Variants in SUSD1 observed in about 807,000 individuals in gnomAD.
SUSD1 encodes the protein sushi domain containing 1.
Under a neutral mutation model 86.9 loss-of-function variants are expected in SUSD1, and 65 were observed. The observed-to-expected ratio is 0.75, with a 90% CI of 0.61 to 0.92. The LOEUF is 0.92. Among genes scored for constraint, SUSD1 ranks in the 40% least tolerant of loss-of-function variants. The probability of loss-of-function intolerance (pLI) is 0.00; values close to 1 mark genes in which losing one functional copy is unlikely to be tolerated. For synonymous variants in SUSD1, 346 were observed against 350.0 expected (o/e 0.99, Z 0.13); for missense variants, 850 against 929.7 (o/e 0.91, Z 1.11).
chr9:112,104,700 A>G (rs1830763968), intron 8 of SUSD1: 1 of 152,228 alleles, frequency 6.6e-6, no homozygotes. Context: ...TAAATCCTTC[A>G]TACTGAGATC....
chr9:112,174,084 C>T, intron 1 of SUSD1: 1 of 156,404 alleles, frequency 6.4e-6, no homozygotes, highest in Non-Finnish European at 1.4e-5. Flanking sequence ...AGTCCAAAGG[C>T]CTAGGTCTGC....
At position 112,134,535 on chromosome 9, in the gene SUSD1, A is replaced by G. The variant is rs1181891106; in HGVS notation, c.706+7785T>C. Among the ~76,000 whole-genome samples, 6 of 152,282 alleles carry G rather than the reference A, an allele frequency of 3.9e-5. No homozygotes were observed. The South Asian group carries it at 1.2e-3, about 32-fold the overall frequency. On this transcript the variant is annotated intron_variant, in intron 5 of 16. Transcript: ENST00000374270. Reference sequence around the variant, plus strand: ...AATCAAATACCACACGTTCTCACATATAAGTGGGAGCTAAATATTGGGTAC... The same window carrying G: ...AATCAAATACCACACGTTCTCACATGTAAGTGGGAGCTAAATATTGGGTAC...
chr9:112,077,625 C>A (rs1161170480), intron 12 of SUSD1, among the ~76,000 whole-genome samples: 1 of 150,722 alleles, frequency 6.6e-6, no homozygotes, highest in African/African-American at 2.4e-5. Flanking sequence ...CTGCCTCAGC[C>A]TCCCGAGTAG....
At chr9:112,166,937 G>A (rs143872600) in intron 1 of SUSD1, among the ~76,000 whole-genome samples, 16 of 152,230 alleles carry the variant, frequency 1.1e-4, no homozygotes, top group African/African-American at 3.1e-4. Context: ...CACATCCCCC[G>A]GCTAAGGCTG....
Position 112,152,218 on chromosome 9 carries a change from A to G in SUSD1, c.218-2819T>C, listed in dbSNP as rs1277447587. 4.6e-5 allele frequency among the ~76,000 whole-genome samples: 7 copies of G among 151,432 alleles called. No individual in the cohort carries two copies. In the East Asian group the frequency reaches 5.8e-4, roughly 13 times the overall value. On this transcript the variant is annotated intron_variant, in intron 2 of 16. Coordinates refer to ENST00000374270, the MANE Select transcript of SUSD1 (RefSeq NM_022486.5). ...ACTCTGTCTCAAAAAAAAAAAAAAAAGGGATCTTTCTTCAATAATAAATTA... is the reference window on the plus strand; with the variant it reads ...ACTCTGTCTCAAAAAAAAAAAAAAAGGGGATCTTTCTTCAATAATAAATTA...
chr9:112,153,939 C>T (rs369413963), intron 2 of SUSD1, among the ~76,000 whole-genome samples: 1 of 151,900 alleles, frequency 6.6e-6, no homozygotes, highest in East Asian at 1.9e-4. Context: ...ATTGTATGTG[C>T]TATACTTTTA....
At chr9:112,062,269 T>C (rs947218395) in intron 13 of SUSD1, among the ~76,000 whole-genome samples, 1 of 152,232 alleles carries the variant, frequency 6.6e-6, no homozygotes, top group African/African-American at 2.4e-5. Flanking sequence ...AAGGATGTAC[T>C]ATGAGACATG....
Position 112,175,297 on chromosome 9 carries a change from T to C in SUSD1, c.-62A>G. 1 of 1,110,794 alleles carries C rather than the reference T, an allele frequency of 9.0e-7. No individual in the cohort carries two copies. Among genetic ancestry groups the C allele is most frequent in the Non-Finnish European group, 1.1e-6 (1 of 910,264 alleles). 68.8% of individuals were successfully genotyped at this position (1,110,794 alleles called of 1,614,324 possible). On this transcript the variant is annotated 5_prime_UTR_variant, in exon 1 of 17. Coordinates refer to ENST00000374270, the MANE Select transcript of SUSD1 (RefSeq NM_022486.5). This position sits in a 1 kb window ranked among gnomAD's most constrained non-coding sequence, Gnocchi z 4.7. ...TCCCGGGGCCCTCAGGGTGCAGAGA[T>C]AAGGCTACAGGCGCCGCGGGGAGGG...
chr9:112,172,784 C>A (rs1232229638), intron 1 of SUSD1, among the ~76,000 whole-genome samples: 1 of 152,118 alleles, frequency 6.6e-6, no homozygotes, highest in African/African-American at 2.4e-5. Flanking sequence ...TACTGTGGGC[C>A]CAGTCCTCAG....
Position 112,048,949 on chromosome 9 carries a change from G to A in SUSD1, c.2149+3450C>T, listed in dbSNP as rs117752620. Among the ~76,000 whole-genome samples the A allele has an allele frequency of 9.2e-5, 14 of 152,338 alleles. 1 individual carries two copies. The East Asian group carries it at 2.3e-3, about 25-fold the overall frequency. The stretch of plus-strand genomic sequence containing the variant: ...ATAAAAGATGTAATTAGAAGGGTAT[G>A]TTTGTGTCAAATAGAGGACTTGGAA... On this transcript the variant is annotated intron_variant, in intron 15 of 16. Coordinates refer to ENST00000374270, the MANE Select transcript of SUSD1 (RefSeq NM_022486.5).
chr9:112,129,114 G>A (rs1244556966), intron 5 of SUSD1, among the ~76,000 whole-genome samples: 1 of 152,170 alleles, frequency 6.6e-6, no homozygotes, highest in Non-Finnish European at 1.5e-5. Context: ...ACAGAGAGAT[G>A]ATAGGGTCTT....
chr9:112,133,965 A>C (rs1485416961), intron 5 of SUSD1, among the ~76,000 whole-genome samples: 1 of 152,218 alleles, frequency 6.6e-6, no homozygotes, highest in Non-Finnish European at 1.5e-5. Flanking sequence ...CATATGAAAA[A>C]ATGCTCCACA....
At chr9:112,120,182 C>T (rs1831494381) in intron 6 of SUSD1, among the ~76,000 whole-genome samples, 2 of 152,120 alleles carry the variant, frequency 1.3e-5, no homozygotes, top group Non-Finnish European at 2.9e-5. Context: ...TGGGTCATGT[C>T]TGTAGTCCCA....
intron 8 of SUSD1, among the ~76,000 whole-genome samples, chr9:112,107,283 GA>G (rs1014695915): frequency 7.8e-6 from 1 of 128,682 alleles, no homozygotes; most frequent in Non-Finnish European, 1.7e-5. Flanking sequence ...AGAAAAGAAA[GA>G]AAAAAAAGAA....
chr9:112,096,665 A>G (rs1830408105), intron 10 of SUSD1, among the ~76,000 whole-genome samples: 1 of 152,010 alleles, frequency 6.6e-6, no homozygotes, highest in Non-Finnish European at 1.5e-5. Flanking sequence ...TCAGCCTCCC[A>G]AGTAGCTGGG....
chr9:112,109,102 A>AT (rs1830980604), intron 8 of SUSD1, among the ~76,000 whole-genome samples: 2 of 152,288 alleles, frequency 1.3e-5, no homozygotes, highest in South Asian at 4.1e-4. Context: ...CCAAATATAC[A>AT]TTTTTTAGAA....
chr9:112,170,708 T>G (rs10981294), intron 1 of SUSD1, among the ~76,000 whole-genome samples: 6,116 of 95,268 alleles, frequency 0.064, 165 homozygotes, highest in South Asian at 0.12. Flanking sequence ...TATATATATA[T>G]ATAGAGAGAG....
At chr9:112,097,123 C>T (rs750560197) in intron 10 of SUSD1, among the ~76,000 whole-genome samples, 51 of 151,974 alleles carry the variant, frequency 3.4e-4, no homozygotes, top group Non-Finnish European at 6.0e-4. Flanking sequence ...GTCAGGAGTT[C>T]GAGAACAGCC....
In SUSD1 at chr9:112,064,946, T is replaced by TC. The variant is rs1437310356; in HGVS notation, c.1754-1914dup. Among the ~76,000 whole-genome samples the TC allele has an allele frequency of 5.3e-5, 8 of 151,982 alleles. No individual in the cohort carries two copies. The East Asian group carries it at 1.4e-3, about 26-fold the overall frequency. On this transcript the variant is annotated intron_variant, in intron 12 of 16. Transcript: ENST00000374270. The stretch of plus-strand genomic sequence containing the variant: ...CCAGCAATAAAACTGATTACTTTGA[T>TC]CCCTTTCTAACGCTTATGTATCTTC...
Sources: gnomAD v4.1 joint callset for allele counts (sites outside exome capture counted in the v4.1 genomes callset) on GRCh38, gnomAD v4.1.1 for gene constraint, Gnocchi (gnomAD v3.1) non-coding constraint, MANE v1.5 for transcripts, NCBI Gene and HGNC (gene_info 2026-07-23, HGNC 2026-07-21) for gene names.